The following U2SURP variants were observed in gnomAD, a reference collection of about 807,000 sequenced individuals.
The protein encoded by U2SURP is U2 snRNP-associated SURP motif-containing protein.
A neutral mutation model predicts 144.9 loss-of-function variants in U2SURP; 9 were observed. That is an observed-to-expected ratio of 0.06 (90% CI 0.04 to 0.11). U2SURP has a LOEUF of 0.11. U2SURP is among the 10% of genes least tolerant of loss of function. The pLI is 1.00. For synonymous variants in U2SURP, 408 were observed against 396.8 expected (o/e 1.03, Z -0.33); for missense variants, 724 against 1,226.7 (o/e 0.59, Z 6.12).
rs888960211 is a variant in U2SURP, at chr3:143,023,118, T to G, written c.1230+54T>G. 3 of 1,391,840 alleles carry G rather than the reference T, an allele frequency of 2.2e-6. No individual in the cohort carries two copies. The African/African-American group carries it at 4.4e-5, about 20-fold the overall frequency. The allele number at this position is 1,391,840 out of a possible 1,614,324, so 86.2% of individuals were successfully genotyped here. On this transcript the variant is annotated intron_variant, in intron 12 of 27. Transcript: ENST00000473835. ...ATCTAATTTGTAAATACTAAAGCTG[T>G]GGTAGTATTTCTTTTCAACAATTTT...
chr3:143,024,137 T>C, intron 13 of U2SURP, 119 bp downstream of exon 13: 1 of 910,660 alleles, frequency 1.1e-6, no homozygotes, highest in African/African-American at 1.7e-5. Flanking sequence ...TCCTTCCCAG[T>C]ACTTTTTGCG....
At position 143,019,099 on chromosome 3, in the gene U2SURP, G is replaced by C. The variant is rs935251468; in HGVS notation, c.571-870G>C. Among the ~76,000 whole-genome samples, 9 of 152,244 alleles carry C rather than the reference G, an allele frequency of 5.9e-5. No homozygotes were observed. The South Asian group carries it at 8.3e-4, about 14-fold the overall frequency. On this transcript the variant is annotated intron_variant, in intron 6 of 27. Coordinates refer to ENST00000473835, the MANE Select transcript of U2SURP (RefSeq NM_001080415.2). ...ATAAGTTTCTTTTGGAGAAATGTCT[G>C]TTCAGATACTTGGCCCACTTTTTAA...
At chr3:143,039,003 C>T (rs976704370) in intron 23 of U2SURP, 43 bp downstream of exon 23, 2 of 1,288,948 alleles carry the variant, frequency 1.6e-6, no homozygotes, top group East Asian at 5.8e-5. Flanking sequence ...TGTTCATATA[C>T]ACTCCCCTTT....
intron 19 of U2SURP, 115 bp from the exon 20 acceptor site, chr3:143,035,865 TAA>T: frequency 9.2e-7 from 1 of 1,089,590 alleles, no homozygotes; most frequent in Non-Finnish European, 1.2e-6. Flanking sequence ...CTTTAAAGTT[TAA>T]AAAAACATCA....
chr3:143,037,198 A>G lies in U2SURP; in HGVS notation c.2084A>G (p.Asp695Gly). 6.2e-7 allele frequency: 1 copy of G among 1,612,104 alleles called. No individual in the cohort carries two copies. The highest frequency in any genetic ancestry group is 8.5e-7 in the Non-Finnish European group (1 of 1,178,996). The change falls in exon 21 of 28, where the codon GAT becomes GGT. Residue 695 changes from aspartate (D) to glycine (G), a missense_variant. Transcript: ENST00000473835. ...KETEDVPDDLDGAPIEEELDG... is the reference protein window; with the variant it reads ...KETEDVPDDLGGAPIEEELDG... ...CCATAGGATGTTCCAGATGACCTTG[A>G]TGGTGCCCCCATCGAGGAAGAGCTT...
Position 143,028,652 on chromosome 3 carries a change from A to T in U2SURP, c.1610+6A>T. The T allele has an allele frequency of 6.3e-7, 1 of 1,585,896 alleles. No homozygotes were observed. The highest frequency in any genetic ancestry group is 8.5e-7 in the Non-Finnish European group (1 of 1,171,338). The stretch of plus-strand genomic sequence containing the variant: ...AAGGGAGCACTTAAGGAAGAGTAAG[A>T]TATTTTTCCTTTCTATTATATATTC... On this transcript the variant is annotated splice_donor_region_variant and intron_variant, in intron 16 of 27. Transcript: ENST00000473835.
intron 2 of U2SURP, 84 bp downstream of exon 2, chr3:143,010,943 T>C (rs543114855): frequency 2.3e-4 from 240 of 1,048,256 alleles, no homozygotes; most frequent in Non-Finnish European, 3.2e-4. Context: ...TGATTTTACT[T>C]GACAAATAAA....
intron 1 of U2SURP, among the ~76,000 whole-genome samples, chr3:143,003,677 C>CTTTTTTTTTTTTTTTTTTTTT (rs60505715): frequency 1.5e-3 from 154 of 101,524 alleles, no homozygotes; most frequent in East Asian, 3.0e-3. Flanking sequence ...TATTTTATTT[C>CTTTTTTTTTTTTTTTTTTTTT]TTTTTTTTTT....
intron 2 of U2SURP, 31 bp from the exon 3 acceptor site, chr3:143,012,191 G>A (rs1292703480): frequency 3.1e-6 from 5 of 1,601,388 alleles, no homozygotes; most frequent in Non-Finnish European, 4.3e-6. Flanking sequence ...TGTGTGGTTT[G>A]TTTTTTTCTC....
chr3:143,051,960 A>T (rs771366277), intron 25 of U2SURP, among the ~76,000 whole-genome samples: 1 of 152,154 alleles, frequency 6.6e-6, no homozygotes, highest in Non-Finnish European at 1.5e-5. Context: ...CAATTAGGAG[A>T]TCATTTTCAT....
chr3:143,044,386 T>C (rs373245033), intron 24 of U2SURP, among the ~76,000 whole-genome samples: 10 of 138,322 alleles, frequency 7.2e-5, no homozygotes, highest in African/African-American at 2.4e-4. Flanking sequence ...ACCACCAGGC[T>C]CAAGAGATTC....
intron 6 of U2SURP, among the ~76,000 whole-genome samples, chr3:143,018,464 G>T (rs142219651): frequency 6.6e-6 from 1 of 152,064 alleles, no homozygotes; most frequent in South Asian, 2.1e-4. Context: ...TGGACATTTG[G>T]ATTGTTTCCA....
At chr3:143,003,851 C>T (rs1935675249) in intron 1 of U2SURP, among the ~76,000 whole-genome samples, 1 of 151,786 alleles carries the variant, frequency 6.6e-6, no homozygotes, top group East Asian at 1.9e-4. Flanking sequence ...GCCAGTACGC[C>T]CGGCTAATTT....
chr3:143,034,012 A>G (rs952481305), intron 18 of U2SURP, among the ~76,000 whole-genome samples: 3 of 152,218 alleles, frequency 2.0e-5, no homozygotes, highest in African/African-American at 4.8e-5. Context: ...ACTATTAACT[A>G]TAGAATCTGT....
In U2SURP at chr3:143,054,955, C is replaced by T. The variant is rs1406580138; in HGVS notation, c.2787C>T (p.His929=). The T allele has an allele frequency of 7.5e-6, 12 of 1,602,376 alleles. No homozygotes were observed. Among genetic ancestry groups the T allele is most frequent in the Admixed American group, 3.5e-5 (2 of 56,936 alleles). ...CTTTGTTCCATAGGAAGAGGCGACA[C>T]AGTACATCCCCCAGCCCATCTCGCA... The part of the protein sequence containing the change: ...TPTRKERKRR[H]STSPSPSRSS... The change falls in exon 27 of 28, where the codon CAC becomes CAT. Residue 929 remains histidine, a synonymous_variant. Transcript: ENST00000473835.
intron 3 of U2SURP, 113 bp downstream of exon 3, chr3:143,012,466 C>T: frequency 9.5e-7 from 1 of 1,055,620 alleles, no homozygotes; most frequent in South Asian, 3.0e-5. Context: ...TCATCTTATT[C>T]TATTTGAAAA....
At chr3:143,047,619 AG>A (rs1427063371) in intron 24 of U2SURP, among the ~76,000 whole-genome samples, 288 of 22,952 alleles carry the variant, frequency 0.013, 27 homozygotes, top group African/African-American at 0.069. Flanking sequence ...CTGGCCGGGC[AG>A]GGGGCTGACC....
intron 14 of U2SURP, among the ~76,000 whole-genome samples, chr3:143,027,741 A>T (rs1578137932): frequency 6.6e-6 from 1 of 152,194 alleles, no homozygotes; most frequent in East Asian, 1.9e-4. Flanking sequence ...ATAAAGTTGT[A>T]AAAGTATGGG....
intron 14 of U2SURP, 34 bp downstream of exon 14, chr3:143,027,287 A>T (rs1048152838): frequency 2.0e-6 from 3 of 1,533,820 alleles, no homozygotes; most frequent in African/African-American, 1.4e-5. Context: ...AAATATATGT[A>T]ACATAAAATT....
Sources: allele counts gnomAD v4.1 joint callset (sites outside exome capture counted in the v4.1 genomes callset), GRCh38; gene constraint gnomAD v4.1.1; transcripts MANE v1.5; gene names NCBI Gene and HGNC (gene_info 2026-07-23, HGNC 2026-07-21).